DDX60: variants seen among roughly 807,000 people sequenced by gnomAD.
The protein encoded by DDX60 is DExD/H-box helicase 60.
In DDX60, 165 loss-of-function variants were observed where a neutral mutation model predicts 212.8. The observed-to-expected ratio is 0.78, with a 90% confidence interval of 0.68 to 0.88. The LOEUF is 0.88. DDX60 is among the 40% of genes least tolerant of loss of function. The pLI is 0.00. For synonymous variants in DDX60, 703 were observed against 685.3 expected, an observed-to-expected ratio of 1.03 and a Z score of -0.40; for missense variants, 1,905 against 2,003.9, an observed-to-expected ratio of 0.95 and a Z score of 0.94.
At chr4:168,225,414 C>T in intron 34 of DDX60, 115 bp downstream of exon 34, 1 of 1,121,326 alleles carries the variant, frequency 8.9e-7, no homozygotes, top group Non-Finnish European at 1.2e-6. Flanking sequence ...GGAATCTCCT[C>T]ACTTGAGGGC....
chr4:168,272,612 G>A (rs1483004315), intron 18 of DDX60, among the ~76,000 whole-genome samples: 2 of 152,212 alleles, frequency 1.3e-5, no homozygotes, highest in African/African-American at 4.8e-5. Flanking sequence ...TGCTGTCAGA[G>A]TTGTTCCACA....
At chr4:168,265,835 A>AGGAAGGGAAGGGAAG (rs138501508) in intron 22 of DDX60, among the ~76,000 whole-genome samples, 35 of 89,212 alleles carry the variant, frequency 3.9e-4, no homozygotes, top group East Asian at 2.9e-3. Flanking sequence ...GAAGGAGGGA[A>AGGAAGGGAAGGGAAG]GGAAGGGAAG....
intron 4 of DDX60, among the ~76,000 whole-genome samples, chr4:168,307,765 C>T (rs1482929140): frequency 2.0e-5 from 3 of 152,168 alleles, no homozygotes; most frequent in Admixed American, 6.5e-5. Flanking sequence ...CTTTCTCATC[C>T]TCTCTCATGA....
chr4:168,268,097 T>C (rs1371663346), intron 20 of DDX60, 114 bp from the exon 21 acceptor site: 6 of 852,782 alleles, frequency 7.0e-6, no homozygotes, highest in Non-Finnish European at 8.7e-6. Flanking sequence ...CTTAGGGGAA[T>C]AGACTCAGAA....
In DDX60 at chr4:168,273,265, T is replaced by C; in HGVS notation, c.2574+14A>G. 1 of 1,608,370 alleles carries C rather than the reference T, an allele frequency of 6.2e-7. No individual in the cohort carries two copies. Among genetic ancestry groups the C allele is most frequent in the Non-Finnish European group, 8.5e-7 (1 of 1,177,754 alleles). On this transcript the variant is annotated intron_variant, in intron 18 of 37. Coordinates refer to ENST00000393743, the MANE Select transcript of DDX60 (RefSeq NM_017631.6). The stretch of plus-strand genomic sequence containing the variant: ...TATAATTTGATAACACACTTATTAA[T>C]TAAAATACCCTACCTGACAGTTTAA...
rs754086522 is a variant in DDX60 at position 168,237,790 on chromosome 4, T to C, written c.4170A>G (p.Leu1390=). The change falls in exon 31 of 38, where the codon CTA becomes CTG. Residue 1390 remains leucine (L), a synonymous_variant. Coordinates refer to ENST00000393743, the MANE Select transcript of DDX60 (RefSeq NM_017631.6). Reference sequence around the variant, plus strand: ...ACAGCAATGAATGCTTTAGCACTGATAGCACCTTTAAAGAAAAGAGTATTT... The same window carrying C: ...ACAGCAATGAATGCTTTAGCACTGACAGCACCTTTAAAGAAAAGAGTATTT... ...DDPEDAKAKV[L]SVLKHSLLSF... The C allele has an allele frequency of 2.4e-5, 38 of 1,601,188 alleles. No homozygotes were observed. In the East Asian group the frequency reaches 3.8e-4, roughly 16 times the overall value.
At chr4:168,247,281 C>T (rs765692448) in intron 29 of DDX60, among the ~76,000 whole-genome samples, 2 of 152,068 alleles carry the variant, frequency 1.3e-5, no homozygotes, top group East Asian at 1.9e-4. Flanking sequence ...TTCCCAAGTC[C>T]GTCATCCCAC....
intron 24 of DDX60, 51 bp downstream of exon 24, chr4:168,261,949 C>A: frequency 6.4e-7 from 1 of 1,557,348 alleles, no homozygotes; most frequent in South Asian, 1.2e-5. Context: ...AATGATATAA[C>A]TCAAGAAAAC....
At chr4:168,313,803 A>G (rs1737244354) in intron 1 of DDX60, among the ~76,000 whole-genome samples, 1 of 152,232 alleles carries the variant, frequency 6.6e-6, no homozygotes, top group Non-Finnish European at 1.5e-5. Context: ...AAACAAATTA[A>G]TAACTATTTA....
At chr4:168,290,084 A>G (rs1354726325) in intron 8 of DDX60, among the ~76,000 whole-genome samples, 1 of 152,188 alleles carries the variant, frequency 6.6e-6, no homozygotes, top group Non-Finnish European at 1.5e-5. Flanking sequence ...CAGGGCCTAC[A>G]GAATCCTACG....
chr4:168,256,648 T>C (rs1157946172), intron 25 of DDX60, among the ~76,000 whole-genome samples: 1 of 152,238 alleles, frequency 6.6e-6, no homozygotes. Flanking sequence ...TTATTTCACA[T>C]GCATTTCCCT....
Position 168,252,660 on chromosome 4 carries a change from T to C in DDX60, c.3558-4A>G. ...TTTTTTCTGGCTCTTTTCATCTCTG[T>C]TCATAAAAATAAAATTTTAATTAAT... On this transcript the variant is annotated splice_region_variant and splice_polypyrimidine_tract_variant and intron_variant, in intron 26 of 37. Transcript: ENST00000393743. 1 of 1,578,022 alleles carries C rather than the reference T, an allele frequency of 6.3e-7. No homozygotes were observed. Among genetic ancestry groups the C allele is most frequent in the Non-Finnish European group, 8.6e-7 (1 of 1,165,260 alleles).
At chr4:168,306,862 T>G in intron 4 of DDX60, 142 bp from the exon 5 acceptor site, 1 of 637,194 alleles carries the variant, frequency 1.6e-6, no homozygotes, top group South Asian at 2.1e-5. Flanking sequence ...ACCCCTAAAC[T>G]TTACTACCAT....
chr4:168,274,837 T>A (rs1200751570), intron 16 of DDX60, among the ~76,000 whole-genome samples: 1 of 152,236 alleles, frequency 6.6e-6, no homozygotes, highest in Non-Finnish European at 1.5e-5. Context: ...ACATGTTCAA[T>A]TTATCAGCAA....
chr4:168,317,249 C>T (rs1053594801), intron 1 of DDX60, among the ~76,000 whole-genome samples: 1 of 151,658 alleles, frequency 6.6e-6, no homozygotes, highest in Non-Finnish European at 1.5e-5. Context: ...CATACAAAAA[C>T]AAACAATCAT....
chr4:168,224,921 T>C (rs1157680310), intron 34 of DDX60, among the ~76,000 whole-genome samples: 1 of 152,044 alleles, frequency 6.6e-6, no homozygotes, highest in Non-Finnish European at 1.5e-5. Context: ...CCTTTTTGTA[T>C]CTATTTTCCC....
chr4:168,278,636 C>T (rs941163476), intron 14 of DDX60, among the ~76,000 whole-genome samples: 8 of 152,168 alleles, frequency 5.3e-5, no homozygotes, highest in African/African-American at 1.9e-4. Context: ...TCCTGGCCAA[C>T]ATGCCAACAT....
intron 14 of DDX60, among the ~76,000 whole-genome samples, chr4:168,278,518 G>A (rs1352644067): frequency 6.6e-6 from 1 of 152,132 alleles, no homozygotes; most frequent in Non-Finnish European, 1.5e-5. Context: ...GGTTTGGACT[G>A]AAAAATATAA....
At chr4:168,305,997 G>C (rs1178084706) in intron 5 of DDX60, among the ~76,000 whole-genome samples, 1 of 152,084 alleles carries the variant, frequency 6.6e-6, no homozygotes, top group Non-Finnish European at 1.5e-5. Flanking sequence ...CAGCAGTTAA[G>C]GACACAGGGG....
Sources: allele counts gnomAD v4.1 joint callset (sites outside exome capture counted in the v4.1 genomes callset), GRCh38; gene constraint gnomAD v4.1.1; transcripts MANE v1.5; gene names NCBI Gene and HGNC (gene_info 2026-07-23, HGNC 2026-07-21).